Variants in CYP4F12 observed in about 807,000 individuals in gnomAD.
CYP4F12 encodes cytochrome P450 4F12.
A neutral mutation model predicts 56.5 loss-of-function variants in CYP4F12; 60 were observed. That is an observed-to-expected ratio of 1.06 (90% CI 0.86 to 1.32). The LOEUF (loss-of-function observed/expected upper bound fraction) is 1.32, where lower values mean the gene tolerates loss of function less well. CYP4F12 is among the 40% of genes most tolerant of loss of function. The pLI, the probability that CYP4F12 is intolerant of heterozygous loss-of-function variation, is 0.00. For missense variants in CYP4F12, 711 were observed against 683.5 expected (o/e 1.04, Z -0.45); for synonymous variants, 263 against 264.9 (o/e 0.99, Z 0.07).
chr19:15,696,248 C>G (rs367712826), intron 11 of CYP4F12, 23 bp downstream of exon 11: 1 of 1,613,702 alleles, frequency 6.2e-7, no homozygotes. Context: ...CCATTCACCA[C>G]CACCACCCCC....
chr19:15,696,997 C>A lies in CYP4F12; in HGVS notation c.1487C>A (p.Thr496Asn), dbSNP rs375718156. The A allele has an allele frequency of 8.1e-6, 13 of 1,614,136 alleles. No individual in the cohort carries two copies. The highest frequency in any genetic ancestry group is 9.3e-6 in the Non-Finnish European group (11 of 1,180,036). The change falls in exon 13 of 13, where the codon ACT (threonine) becomes AAT (asparagine). Residue 496 changes from threonine to asparagine, a missense_variant. Physicochemically the swap from Thr to Asn is moderately conservative, Grantham distance 65. Transcript: ENST00000550308. ...LLHFRFLPDH[T>N]EPRRKLELIM... ...CACTTCCGGTTCCTGCCAGACCACACTGAGCCCCGCAGGAAGCTGGAATTG... is the reference window on the plus strand; with the variant it reads ...CACTTCCGGTTCCTGCCAGACCACAATGAGCCCCGCAGGAAGCTGGAATTG...
At position 15,680,620 on chromosome 19, in the gene CYP4F12, A is replaced by G. The variant is rs1281260533; in HGVS notation, c.525+101A>G. 2.1e-6 allele frequency: 3 copies of G among 1,457,648 alleles called. No individual in the cohort carries two copies. In the South Asian group the frequency reaches 3.5e-5, roughly 17 times the overall value. 90.3% of individuals were successfully genotyped at this position (1,457,648 alleles called of 1,614,324 possible). A position where few individuals can be genotyped will look rare whatever the true frequency, so the allele number is the denominator to read the frequency against. ...TGGCTCTTCTGGGTGGCACTGGGCCATTGCTCTTCCTCTCTGAGCCTTGGT... is the reference window on the plus strand; with the variant it reads ...TGGCTCTTCTGGGTGGCACTGGGCCGTTGCTCTTCCTCTCTGAGCCTTGGT... On this transcript the variant is annotated intron_variant, in intron 5 of 12. Transcript: ENST00000550308.
chr19:15,684,939 C>A, intron 8 of CYP4F12, 57 bp downstream of exon 8: 1 of 1,569,030 alleles, frequency 6.4e-7, no homozygotes, highest in Admixed American at 1.8e-5. Flanking sequence ...TCTCAGGATC[C>A]GGGTGGGTGG....
At chr19:15,673,255 A>G (rs1337387926) in intron 1 of CYP4F12, 120 bp downstream of exon 1, 1 of 569,926 alleles carries the variant, frequency 1.8e-6, no homozygotes, top group Admixed American at 2.3e-5. Flanking sequence ...TGGTAACTGG[A>G]CTCCTAGCAA....
At chr19:15,693,722 G>C (rs1261473382) in intron 9 of CYP4F12, among the ~76,000 whole-genome samples, 1 of 150,712 alleles carries the variant, frequency 6.6e-6, no homozygotes, top group African/African-American at 2.5e-5. Context: ...TTTGGCTTTT[G>C]TTGCCATTGC....
At chr19:15,679,741 C>T (rs2007179776) in intron 3 of CYP4F12, among the ~76,000 whole-genome samples, 1 of 152,174 alleles carries the variant, frequency 6.6e-6, no homozygotes, top group Non-Finnish European at 1.5e-5. Context: ...CTCCCTGAGC[C>T]AGGTTTCGGA....
Position 15,697,061 on chromosome 19 carries a change from G to C in CYP4F12, c.1551G>C (p.Glu517Asp), listed in dbSNP as rs747072393. The change falls in exon 13 of 13, where the codon GAG becomes GAC. Residue 517 changes from glutamate (E) to aspartate (D), a missense_variant. Glu to Asp is a conservative substitution (Grantham distance 45). Transcript: ENST00000550308. ...RAEGGLWLRV[E>D]PLNVSLQ ...AGGGCGGGCTTTGGCTGCGGGTGGA[G>C]CCCCTGAATGTAAGCTTGCAGTGAC... is the stretch of plus-strand genomic sequence containing the variant. 6.2e-7 allele frequency: 1 copy of C among 1,613,896 alleles called. No individual in the cohort carries two copies.
rs751437682 is a variant in CYP4F12, at chr19:15,683,583, G to C, written c.738G>C (p.Leu246=). The change falls in exon 7 of 13, where the codon CTG becomes CTC. Residue 246 remains leucine (L), a synonymous_variant. Transcript: ENST00000550308. ...SQHILQHMDF[L]YYLSHDGRRF... is the part of the protein sequence containing the mutation. Reference sequence around the variant, plus strand: ...ATATCCTCCAGCACATGGACTTTCTGTATTACCTCTCCCATGACGGGCGGC... The same window carrying C: ...ATATCCTCCAGCACATGGACTTTCTCTATTACCTCTCCCATGACGGGCGGC... 10 of 1,614,058 alleles carry C rather than the reference G, an allele frequency of 6.2e-6. No individual in the cohort carries two copies. In the African/African-American group the frequency reaches 1.2e-4, roughly 19 times the overall value.
intron 3 of CYP4F12, among the ~76,000 whole-genome samples, 189 bp from the exon 4 acceptor site, chr19:15,680,055 T>C (rs2007196796): frequency 6.6e-6 from 1 of 152,234 alleles, no homozygotes; most frequent in Admixed American, 6.5e-5. Flanking sequence ...GGTTGTGTCA[T>C]AGCTTTACTG....
intron 3 of CYP4F12, 36 bp from the exon 4 acceptor site, chr19:15,680,208 C>T (rs752863929): frequency 1.9e-6 from 3 of 1,569,438 alleles, no homozygotes; most frequent in Non-Finnish European, 2.6e-6. Context: ...CTCTCTTGCC[C>T]TCTACATGGC....
At chr19:15,678,152 C>A in intron 2 of CYP4F12, 109 bp from the exon 3 acceptor site, 1 of 1,392,446 alleles carries the variant, frequency 7.2e-7, no homozygotes, top group Non-Finnish European at 1.0e-6. Context: ...CCCTCACAGA[C>A]ACACACAGCA....
chr19:15,696,766 G>C, intron 12 of CYP4F12, 142 bp from the exon 13 acceptor site: 1 of 1,199,390 alleles, frequency 8.3e-7, no homozygotes, highest in Non-Finnish European at 1.1e-6. Flanking sequence ...AAGCCCACAT[G>C]GGAGTCCCAG....
At chr19:15,675,892 G>A (rs1236783243) in intron 2 of CYP4F12, among the ~76,000 whole-genome samples, 1 of 152,168 alleles carries the variant, frequency 6.6e-6, no homozygotes, top group Admixed American at 6.5e-5. Flanking sequence ...ATGCATGTAT[G>A]TATGGAGACA....
chr19:15,679,723 A>T (rs959522895), intron 3 of CYP4F12, among the ~76,000 whole-genome samples: 4 of 152,156 alleles, frequency 2.6e-5, no homozygotes, highest in Non-Finnish European at 4.4e-5. Context: ...CAGAGTTATT[A>T]TTTTAGTCTC....
At chr19:15,676,446 C>CCAATACCAACTCA (rs2006934402) in intron 2 of CYP4F12, among the ~76,000 whole-genome samples, 2 of 19,938 alleles carry the variant, frequency 1.0e-4, no homozygotes, top group Non-Finnish European at 2.1e-4. Flanking sequence ...CTCACTCATT[C>CCAATACCAACTCA]CTCTCCTCAT....
At chr19:15,691,338 A>G (rs680681) in intron 9 of CYP4F12, among the ~76,000 whole-genome samples, 43,065 of 151,976 alleles carry the variant, frequency 0.28, 6,615 homozygotes, top group African/African-American at 0.4. Context: ...ATATGTATAA[A>G]CATCACTGCA....
chr19:15,681,346 G>A (rs893247903), intron 5 of CYP4F12: 3 of 152,262 alleles, frequency 2.0e-5, no homozygotes, highest in African/African-American at 7.2e-5. Flanking sequence ...AGAATTGGGG[G>A]TCAGGATTTT....
Position 15,683,666 on chromosome 19 carries a change from G to T in CYP4F12, c.821G>T (p.Arg274Leu), listed in dbSNP as rs781561176. 1 of 1,613,592 alleles carries T rather than the reference G, an allele frequency of 6.2e-7. No individual in the cohort carries two copies. The highest frequency in any genetic ancestry group is 1.1e-5 in the South Asian group (1 of 91,038). ...TTCACAGACGCTGTCATCCGGGAGC[G>T]GCGTCGCACCCTCCCCACTCAGGGT... Reference protein sequence around the residue: ...HDFTDAVIRERRRTLPTQGID... With the variant: ...HDFTDAVIRELRRTLPTQGID... Residue 274 changes from arginine to leucine, a missense_variant, in exon 7 of 13, where the codon CGG becomes CTG. Transcript: ENST00000550308.
At chr19:15,692,802 G>A (rs546317693) in intron 9 of CYP4F12, among the ~76,000 whole-genome samples, 21 of 152,200 alleles carry the variant, frequency 1.4e-4, no homozygotes, top group African/African-American at 4.1e-4. Context: ...CGCCAGCCAC[G>A]GTGGTTCATG....
Sources: gnomAD v4.1 joint callset for allele counts (sites outside exome capture counted in the v4.1 genomes callset) on GRCh38, gnomAD v4.1.1 for gene constraint, MANE v1.5 for transcripts, NCBI Gene and HGNC (gene_info 2026-07-23, HGNC 2026-07-21) for gene names.